Variants in RBFOX1 observed in about 807,000 individuals in gnomAD.
RBFOX1 encodes the protein RNA binding protein fox-1 homolog 1.
A neutral mutation model predicts 57.7 loss-of-function variants in RBFOX1; 8 were observed. The observed-to-expected ratio is 0.14, with a 90% CI of 0.08 to 0.25. The LOEUF (loss-of-function observed/expected upper bound fraction) is 0.25, where lower values mean the gene tolerates loss of function less well. RBFOX1 is among the 10% of genes least tolerant of loss of function. The probability of loss-of-function intolerance (pLI) is 1.00; values close to 1 mark genes in which losing one functional copy is unlikely to be tolerated. For missense variants in RBFOX1, 611 were observed against 548.5 expected, an observed-to-expected ratio of 1.11 and a Z score of -1.14; for synonymous variants, 326 against 222.4, an observed-to-expected ratio of 1.47 and a Z score of -4.15.
At chr16:7,630,291 A>G (rs1292286005) in intron 10 of RBFOX1, among the ~76,000 whole-genome samples, 1 of 151,820 alleles carries the variant, frequency 6.6e-6, no homozygotes, top group Non-Finnish European at 1.5e-5. Context: ...ATATTTCTCA[A>G]GTTCCCTTTT....
At chr16:7,146,384 C>T (rs982233786) in intron 4 of RBFOX1, among the ~76,000 whole-genome samples, 3 of 152,194 alleles carry the variant, frequency 2.0e-5, no homozygotes, top group African/African-American at 7.2e-5. Context: ...ATTGTCTCAT[C>T]AGTATACTTT....
chr16:6,836,964 C>T (rs1211728461), intron 3 of RBFOX1, among the ~76,000 whole-genome samples: 1 of 152,020 alleles, frequency 6.6e-6, no homozygotes, highest in Non-Finnish European at 1.5e-5. Flanking sequence ...GGAAGGATGG[C>T]TGGATGGGTG....
Position 5,367,960 on chromosome 16 carries a change from C to T in RBFOX1, c.220-99256C>T, listed in dbSNP as rs540489845. Among the ~76,000 whole-genome samples the T allele has an allele frequency of 1.1e-4, 17 of 152,310 alleles. No individual in the cohort carries two copies. The South Asian group carries it at 2.5e-3, about 22-fold the overall frequency. ...TGACCTTGGGTTGTGAGGAGTTTCC[C>T]GTTCCTTATTCCAATGAGACGTTAT... On this transcript the variant is annotated intron_variant, in intron 1 of 2. Transcript: ENST00000585867.
At chr16:6,647,635 C>T (rs1037151584) in intron 2 of RBFOX1, among the ~76,000 whole-genome samples, 1 of 152,154 alleles carries the variant, frequency 6.6e-6, no homozygotes, top group Admixed American at 6.5e-5. Context: ...AGGGTTAGAG[C>T]TATGACATAT....
chr16:6,893,453 C>T (rs2066001967), intron 3 of RBFOX1, among the ~76,000 whole-genome samples: 1 of 152,142 alleles, frequency 6.6e-6, no homozygotes. Flanking sequence ...TTCTTTTAAA[C>T]CTGAACTCTA....
intron 4 of RBFOX1, among the ~76,000 whole-genome samples, chr16:7,073,670 C>G (rs1175001668): frequency 1.3e-5 from 2 of 151,822 alleles, no homozygotes; most frequent in East Asian, 1.9e-4. Context: ...ATGGCAAAAC[C>G]CCTTCTCTAC....
chr16:5,646,675 C>A (rs963816260), intron 3 of RBFOX1, among the ~76,000 whole-genome samples: 11 of 152,038 alleles, frequency 7.2e-5, no homozygotes, highest in Admixed American at 4.6e-4. Context: ...CGCTTTGTCA[C>A]CCAGGCTGGA....
At chr16:5,877,339 C>T (rs2057639560) in intron 4 of RBFOX1, among the ~76,000 whole-genome samples, 1 of 152,170 alleles carries the variant, frequency 6.6e-6, no homozygotes, top group Non-Finnish European at 1.5e-5. Flanking sequence ...TTTCTGCTCT[C>T]AAGGAGCCTG....
chr16:6,817,083 C>G (rs1014597604), intron 3 of RBFOX1, among the ~76,000 whole-genome samples: 13 of 152,114 alleles, frequency 8.5e-5, no homozygotes, highest in African/African-American at 2.2e-4. Flanking sequence ...ATGAATTGGA[C>G]TTGACATCTA....
chr16:5,511,063 C>G (rs1387166200), intron 2 of RBFOX1, among the ~76,000 whole-genome samples: 1 of 152,084 alleles, frequency 6.6e-6, no homozygotes, highest in Non-Finnish European at 1.5e-5. Context: ...CAGCATGATG[C>G]AATTGGCCGT....
intron 2 of RBFOX1, among the ~76,000 whole-genome samples, chr16:5,533,658 G>C (rs759907558): frequency 6.6e-6 from 1 of 152,112 alleles, no homozygotes; most frequent in African/African-American, 2.4e-5. Flanking sequence ...AAAGTAACTG[G>C]GTTCTCAAGG....
chr16:6,302,819 A>G (rs892901834), intron 1 of RBFOX1, among the ~76,000 whole-genome samples: 2 of 152,238 alleles, frequency 1.3e-5, no homozygotes, highest in Non-Finnish European at 2.9e-5. Context: ...TGCCCCTTTT[A>G]GTGATTCATT....
At chr16:6,956,777 C>T (rs1365207907) in intron 3 of RBFOX1, among the ~76,000 whole-genome samples, 1 of 152,154 alleles carries the variant, frequency 6.6e-6, no homozygotes, top group Non-Finnish European at 1.5e-5. Flanking sequence ...TGGGTAGATA[C>T]CGCTTGGGGT....
intron 2 of RBFOX1, among the ~76,000 whole-genome samples, chr16:6,391,534 G>C (rs554972633): frequency 1.3e-5 from 2 of 150,890 alleles, no homozygotes; most frequent in East Asian, 3.9e-4. Flanking sequence ...AGAAAAAAAA[G>C]TATCATGATT....
At chr16:7,517,388 G>A (rs62012729) in intron 4 of RBFOX1, among the ~76,000 whole-genome samples, 1 of 151,954 alleles carries the variant, frequency 6.6e-6, no homozygotes, top group African/African-American at 2.4e-5. Context: ...GGCAGGGAGG[G>A]AGAGGCATTG....
intron 4 of RBFOX1, among the ~76,000 whole-genome samples, chr16:7,427,081 A>G (rs1328617948): frequency 1.3e-5 from 2 of 152,156 alleles, no homozygotes; most frequent in South Asian, 2.1e-4. Flanking sequence ...ACTTGGACAC[A>G]AGGTGGGGAA....
At chr16:5,409,815 C>T (rs1330113518) in intron 1 of RBFOX1, among the ~76,000 whole-genome samples, 1 of 151,654 alleles carries the variant, frequency 6.6e-6, no homozygotes, top group Non-Finnish European at 1.5e-5. Flanking sequence ...TTTGGGAGGC[C>T]GAGGTGGGCA....
At chr16:6,929,776 C>T (rs2076208211) in intron 3 of RBFOX1, among the ~76,000 whole-genome samples, 1 of 152,054 alleles carries the variant, frequency 6.6e-6, no homozygotes, top group South Asian at 2.1e-4. Context: ...AGGGAATATC[C>T]TGTAGCTTTT....
chr16:6,577,099 G>C (rs1455794218), intron 2 of RBFOX1: 3 of 152,148 alleles, frequency 2.0e-5, no homozygotes, highest in African/African-American at 7.2e-5. Context: ...ATCCTCTGAT[G>C]AACATGCACC....
Sources: gnomAD v4.1 joint callset for allele counts (sites outside exome capture counted in the v4.1 genomes callset) on GRCh38, gnomAD v4.1.1 for gene constraint, MANE v1.5 for transcripts, NCBI Gene and HGNC (gene_info 2026-07-23, HGNC 2026-07-21) for gene names.